The following IWS1 variants were observed in gnomAD, a reference collection of about 807,000 sequenced individuals.
The protein encoded by IWS1 is protein IWS1 homolog.
In IWS1, 27 loss-of-function variants were observed where a neutral mutation model predicts 86.7. The observed-to-expected ratio is 0.31, with a 90% CI of 0.23 to 0.43. The LOEUF is 0.43. IWS1 is among the 20% of genes least tolerant of loss of function. The pLI is 1.00. For synonymous variants in IWS1, 313 were observed against 335.1 expected, an observed-to-expected ratio of 0.93 and a Z score of 0.72; for missense variants, 827 against 1,000.8, an observed-to-expected ratio of 0.83 and a Z score of 2.34.
At chr2:127,502,113 T>C (rs928608280) in intron 5 of IWS1, among the ~76,000 whole-genome samples, 7 of 152,220 alleles carry the variant, frequency 4.6e-5, no homozygotes, top group Non-Finnish European at 1.5e-5. Flanking sequence ...CACTGTAATC[T>C]TATTTCTGAG....
At chr2:127,525,119 T>TGGGGTAGGGGCGTAGGGGGGG (rs1692328025) in intron 1 of IWS1, among the ~76,000 whole-genome samples, 6 of 8,290 alleles carry the variant, frequency 7.2e-4, no homozygotes, top group African/African-American at 2.1e-3. Context: ...CGTAGGGGGG[T>TGGGGTAGGGGCGTAGGGGGGG]GGGGTACGGG....
intron 8 of IWS1, 149 bp from the exon 9 acceptor site, chr2:127,493,559 C>T (rs976524818): frequency 1.7e-5 from 11 of 649,056 alleles, no homozygotes; most frequent in South Asian, 7.1e-5. Context: ...ATTCTGGTTT[C>T]GAAAGCAGTA....
At chr2:127,518,167 A>G (rs1161828132) in intron 2 of IWS1, among the ~76,000 whole-genome samples, 2 of 152,210 alleles carry the variant, frequency 1.3e-5, no homozygotes, top group Admixed American at 6.5e-5. Flanking sequence ...CTACTGTGAA[A>G]TACTAAAGAT....
rs533954298 is a variant in IWS1 at position 127,510,471 on chromosome 2, A to G, written c.151-4719T>C. On this transcript the variant is annotated intron_variant, in intron 2 of 13. Transcript: ENST00000295321. ...AATACCAGAAAAAAAAATTCTACAC[A>G]AAGCTTGTTTTTTGTTTGTTTGGTT... Among the ~76,000 whole-genome samples the G allele has an allele frequency of 2.6e-5, 4 of 152,212 alleles. No individual in the cohort carries two copies. In the South Asian group the frequency reaches 8.3e-4, roughly 32 times the overall value.
At chr2:127,512,506 T>C (rs1398392093) in intron 2 of IWS1, among the ~76,000 whole-genome samples, 2 of 152,250 alleles carry the variant, frequency 1.3e-5, no homozygotes, top group African/African-American at 2.4e-5. Flanking sequence ...TTACCTTCCA[T>C]TAAGCTATTC....
At chr2:127,495,540 C>T (rs955656395) in intron 7 of IWS1, among the ~76,000 whole-genome samples, 1 of 152,204 alleles carries the variant, frequency 6.6e-6, no homozygotes, top group African/African-American at 2.4e-5. Flanking sequence ...CCATGCTGAA[C>T]TCTCAACAAG....
intron 13 of IWS1, among the ~76,000 whole-genome samples, chr2:127,485,251 A>G (rs1047836763): frequency 1.6e-4 from 25 of 152,132 alleles, no homozygotes; most frequent in African/African-American, 5.8e-4. Context: ...GAGTCAGTGG[A>G]AACAGCTGCC....
intron 10 of IWS1, among the ~76,000 whole-genome samples, chr2:127,491,665 G>A (rs554019719): frequency 2.0e-5 from 3 of 152,104 alleles, no homozygotes; most frequent in Admixed American, 6.5e-5. Context: ...GGATGGTCTC[G>A]ATCTCCTGAC....
chr2:127,495,682 T>C (rs1409397889), intron 7 of IWS1, among the ~76,000 whole-genome samples: 1 of 152,240 alleles, frequency 6.6e-6, no homozygotes, highest in African/African-American at 2.4e-5. Flanking sequence ...CATGAATTTG[T>C]AACACCTTTT....
chr2:127,501,911 G>A (rs1361136244), intron 5 of IWS1: 2 of 151,880 alleles, frequency 1.3e-5, no homozygotes, highest in African/African-American at 4.8e-5. Flanking sequence ...TTTCTACTTG[G>A]TTCTTTTCCA....
upstream of IWS1, chr2:127,526,762 G>C (rs1692446013): frequency 2.8e-6 from 3 of 1,082,596 alleles, no homozygotes; most frequent in Middle Eastern, 2.3e-4. Context: ...GAAAAATGAA[G>C]ACCTGCTCAA....
Position 127,481,186 on chromosome 2 carries a change from G to C in IWS1, c.2329-11C>G. 6.3e-7 allele frequency: 1 copy of C among 1,582,018 alleles called. No homozygotes were observed. Among genetic ancestry groups the C allele is most frequent in the Non-Finnish European group, 8.5e-7 (1 of 1,170,046 alleles). On this transcript the variant is annotated splice_polypyrimidine_tract_variant and intron_variant, in intron 13 of 13. Transcript: ENST00000295321. ...GGAGGTCGCCTGAAACTAAGAGTAAGGGAAAAATTAAAGAGCAAACTACTG... is the reference window on the plus strand; with the variant it reads ...GGAGGTCGCCTGAAACTAAGAGTAACGGAAAAATTAAAGAGCAAACTACTG...
At chr2:127,486,447 G>T in intron 13 of IWS1, 106 bp downstream of exon 13, 1 of 807,728 alleles carries the variant, frequency 1.2e-6, no homozygotes, top group East Asian at 2.7e-5. Context: ...AGTCCTCTCT[G>T]AATCAGACAA....
chr2:127,481,419 T>C (rs777558), intron 13 of IWS1, among the ~76,000 whole-genome samples: 22,067 of 151,592 alleles, frequency 0.15, 2,866 homozygotes, highest in African/African-American at 0.34. Context: ...CTGCAGTCCA[T>C]GGAGGTCTCC....
At chr2:127,484,182 G>A (rs749002335) in intron 13 of IWS1, among the ~76,000 whole-genome samples, 1 of 152,014 alleles carries the variant, frequency 6.6e-6, no homozygotes, top group South Asian at 2.1e-4. Flanking sequence ...GGTGGTGGGC[G>A]CCTGCCCTAG....
intron 10 of IWS1, chr2:127,490,941 T>C (rs1189070914): frequency 6.6e-6 from 1 of 152,230 alleles, no homozygotes; most frequent in Non-Finnish European, 1.5e-5. Flanking sequence ...TATTCGAACG[T>C]AGTAGTTACT....
chr2:127,485,760 G>A (rs1689895725), intron 13 of IWS1: 1 of 152,054 alleles, frequency 6.6e-6, no homozygotes, highest in African/African-American at 2.4e-5. Flanking sequence ...TCATTATTTT[G>A]AAACTAAAAG....
chr2:127,519,357 A>C (rs2104739491), intron 2 of IWS1, among the ~76,000 whole-genome samples: 1 of 34,670 alleles, frequency 2.9e-5, no homozygotes, highest in East Asian at 0.021. Flanking sequence ...AAGAAAAAAT[A>C]AGTTTTTTTT....
chr2:127,495,604 A>G (rs528589322), intron 7 of IWS1, among the ~76,000 whole-genome samples: 11 of 152,324 alleles, frequency 7.2e-5, no homozygotes, highest in African/African-American at 2.4e-4. Flanking sequence ...GCCAATTTTT[A>G]TAAGTTGAGC....
Sources: gnomAD v4.1 joint callset for allele counts (sites outside exome capture counted in the v4.1 genomes callset) on GRCh38, gnomAD v4.1.1 for gene constraint, MANE v1.5 for transcripts, NCBI Gene and HGNC (gene_info 2026-07-23, HGNC 2026-07-21) for gene names.